NKAIN2: variants seen among roughly 807,000 people sequenced by gnomAD.
NKAIN2 encodes sodium/potassium transporting ATPase interacting 2.
In NKAIN2, 14 loss-of-function variants were observed where a neutral mutation model predicts 32.6. The ratio of observed to expected loss-of-function variants is 0.43; its 90% CI spans 0.28 to 0.67. The LOEUF is 0.67. NKAIN2 is among the 30% of genes least tolerant of loss of function. NKAIN2 has a pLI of 0.17. For missense variants in NKAIN2, 198 were observed against 258.3 expected (o/e 0.77, Z 1.60); for synonymous variants, 80 against 87.2 (o/e 0.92, Z 0.46).
chr6:123,804,290 G>A, intron 1 of NKAIN2, 36 bp downstream of exon 1: 1 of 1,567,366 alleles, frequency 6.4e-7, no homozygotes, highest in Non-Finnish European at 8.8e-7. Context: ...TCTGTAATGT[G>A]TCTTTGAGAT....
Position 124,790,207 on chromosome 6 carries a change from C to T in NKAIN2, c.475-1132C>T, listed in dbSNP as rs556997031. The stretch of plus-strand genomic sequence containing the variant: ...TTCTTTTCACCAGAGGCCACTTTGT[C>T]TCCTAACAGTTCTGTGCTCATTAAA... On this transcript the variant is annotated intron_variant, in intron 4 of 6. Coordinates refer to ENST00000368417, the MANE Select transcript of NKAIN2 (RefSeq NM_001040214.3). Among the ~76,000 whole-genome samples the T allele has an allele frequency of 5.3e-5, 8 of 152,262 alleles. No homozygotes were observed. The East Asian group carries it at 1.2e-3, about 22-fold the overall frequency.
intron 3 of NKAIN2, among the ~76,000 whole-genome samples, chr6:124,631,004 A>C (rs1043714892): frequency 2.0e-5 from 3 of 152,150 alleles, no homozygotes; most frequent in Non-Finnish European, 2.9e-5. Context: ...GCTTTTTAAA[A>C]TTTTCTAATG....
intron 1 of NKAIN2, among the ~76,000 whole-genome samples, chr6:124,043,703 G>A (rs1012696451): frequency 1.3e-5 from 2 of 152,062 alleles, no homozygotes; most frequent in Non-Finnish European, 2.9e-5. Flanking sequence ...AGATTATGGA[G>A]TTTGAAGAGG....
At chr6:124,764,359 T>C (rs1778413110) in intron 4 of NKAIN2, among the ~76,000 whole-genome samples, 5 of 152,216 alleles carry the variant, frequency 3.3e-5, no homozygotes, top group Admixed American at 1.3e-4. Context: ...CATTATTTAT[T>C]GGTAATAAAA....
chr6:124,536,750 G>A (rs967732307), intron 3 of NKAIN2, among the ~76,000 whole-genome samples: 5 of 152,068 alleles, frequency 3.3e-5, no homozygotes, highest in Non-Finnish European at 7.4e-5. Flanking sequence ...GCTTCTCAAC[G>A]GATTTTGAGT....
intron 4 of NKAIN2, among the ~76,000 whole-genome samples, chr6:124,769,719 G>A (rs146488855): frequency 3.1e-3 from 466 of 152,246 alleles, no homozygotes; most frequent in Non-Finnish European, 5.1e-3. Flanking sequence ...ATGCATTCAC[G>A]ACATTTGAGT....
chr6:123,887,321 T>A (rs9490987), intron 1 of NKAIN2, among the ~76,000 whole-genome samples: 1,927 of 152,258 alleles, frequency 0.013, 45 homozygotes, highest in African/African-American at 0.043. Flanking sequence ...TTGTTCTTCA[T>A]GGTTAAGAGG....
intron 1 of NKAIN2, among the ~76,000 whole-genome samples, chr6:124,276,027 C>A (rs1010629907): frequency 9.9e-5 from 15 of 151,930 alleles, no homozygotes; most frequent in Non-Finnish European, 2.1e-4. Flanking sequence ...CATGATTTTC[C>A]AATTCTAAAA....
At chr6:124,343,650 T>C (rs1277671395) in intron 2 of NKAIN2, among the ~76,000 whole-genome samples, 3 of 149,782 alleles carry the variant, frequency 2.0e-5, no homozygotes, top group Non-Finnish European at 4.5e-5. Flanking sequence ...TGTCTGTTGA[T>C]ATCCTTCGCC....
At chr6:124,676,381 C>G (rs1476039893) in intron 4 of NKAIN2, among the ~76,000 whole-genome samples, 1 of 152,084 alleles carries the variant, frequency 6.6e-6, no homozygotes, top group Non-Finnish European at 1.5e-5. Flanking sequence ...TTCTTATCGA[C>G]TTTCTATCTG....
chr6:123,908,320 T>C (rs560865702), intron 1 of NKAIN2, among the ~76,000 whole-genome samples: 163 of 152,276 alleles, frequency 1.1e-3, no homozygotes, highest in African/African-American at 3.8e-3. Context: ...ATGTTTCTTG[T>C]TGAATAATAT....
chr6:124,558,875 G>T (rs1780577630), intron 3 of NKAIN2, among the ~76,000 whole-genome samples: 1 of 152,136 alleles, frequency 6.6e-6, no homozygotes, highest in African/African-American at 2.4e-5. Flanking sequence ...CTTGAACTGG[G>T]GAGGTGGAGG....
At chr6:123,853,173 A>T (rs1383176584) in intron 1 of NKAIN2, among the ~76,000 whole-genome samples, 2 of 152,200 alleles carry the variant, frequency 1.3e-5, no homozygotes, top group African/African-American at 4.8e-5. Flanking sequence ...ATAACTGTTT[A>T]GCTTTATCTT....
chr6:124,699,134 G>A (rs1774640726), intron 4 of NKAIN2, among the ~76,000 whole-genome samples: 1 of 152,174 alleles, frequency 6.6e-6, no homozygotes, highest in Non-Finnish European at 1.5e-5. Flanking sequence ...TCAGAGTTCT[G>A]TAGGTTAACC....
chr6:123,922,328 C>T (rs1338703816), intron 1 of NKAIN2, among the ~76,000 whole-genome samples: 1 of 152,042 alleles, frequency 6.6e-6, no homozygotes, highest in Non-Finnish European at 1.5e-5. Context: ...AAAATAAATC[C>T]TCACCTGGAT....
intron 1 of NKAIN2, among the ~76,000 whole-genome samples, chr6:124,159,514 T>G (rs144938328): frequency 6.6e-6 from 1 of 152,186 alleles, no homozygotes; most frequent in South Asian, 2.1e-4. Context: ...TTTCTCTGTA[T>G]GTATTGATTA....
chr6:124,363,293 G>A (rs1799375322), intron 3 of NKAIN2, among the ~76,000 whole-genome samples: 1 of 152,144 alleles, frequency 6.6e-6, no homozygotes, highest in Admixed American at 6.6e-5. Flanking sequence ...TTAAAGTAAT[G>A]ACTACTCAAA....
chr6:124,812,755 G>A (rs1452809779), intron 5 of NKAIN2, among the ~76,000 whole-genome samples: 1 of 151,484 alleles, frequency 6.6e-6, no homozygotes, highest in Non-Finnish European at 1.5e-5. Context: ...TTTAAAAGCA[G>A]CAATATGCCC....
At chr6:124,168,964 T>C (rs1249664066) in intron 1 of NKAIN2, among the ~76,000 whole-genome samples, 1 of 152,176 alleles carries the variant, frequency 6.6e-6, no homozygotes, top group Non-Finnish European at 1.5e-5. Flanking sequence ...TATTTGCGTA[T>C]ATTTTAGTAA....
Sources: gnomAD v4.1 joint callset for allele counts (sites outside exome capture counted in the v4.1 genomes callset) on GRCh38, gnomAD v4.1.1 for gene constraint, MANE v1.5 for transcripts, NCBI Gene and HGNC (gene_info 2026-07-23, HGNC 2026-07-21) for gene names.